The following COLEC12 variants were observed in gnomAD, a reference collection of about 807,000 sequenced individuals.
The protein encoded by COLEC12 is collectin subfamily member 12.
In COLEC12, 33 loss-of-function variants were observed where a neutral mutation model predicts 71.1. That is an observed-to-expected ratio of 0.46 (90% CI 0.35 to 0.62). The LOEUF (loss-of-function observed/expected upper bound fraction) is 0.62. Among genes scored for constraint, COLEC12 ranks in the 20% least tolerant of loss-of-function variants. The pLI is 0.00. For synonymous variants in COLEC12, 350 were observed against 353.0 expected (o/e 0.99, Z 0.10); for missense variants, 765 against 916.1 (o/e 0.84, Z 2.13).
chr18:412,150 C>T (rs1310050665), intron 2 of COLEC12, among the ~76,000 whole-genome samples: 1 of 152,042 alleles, frequency 6.6e-6, no homozygotes, highest in African/African-American at 2.4e-5. Flanking sequence ...CAAAAAAATA[C>T]ACATCAAGAC....
At chr18:378,679 G>C (rs914439846) in intron 2 of COLEC12, among the ~76,000 whole-genome samples, 16 of 152,134 alleles carry the variant, frequency 1.1e-4, no homozygotes, top group African/African-American at 3.9e-4. Context: ...CTCTCCGTGA[G>C]GTCTCCATCA....
chr18:355,410 G>A (rs17548980), intron 3 of COLEC12, among the ~76,000 whole-genome samples: 23,448 of 152,000 alleles, frequency 0.15, 2,075 homozygotes, highest in Middle Eastern at 0.27. Flanking sequence ...TGGGCAAATG[G>A]ACCAGCACAC....
At chr18:422,266 A>G (rs1916113879) in intron 2 of COLEC12, among the ~76,000 whole-genome samples, 2 of 152,206 alleles carry the variant, frequency 1.3e-5, no homozygotes, top group African/African-American at 2.4e-5. Context: ...CAGTTTAGCA[A>G]TGGTAACCCC....
chr18:320,711 CACCCCAAAAAGAA>C (rs1913682791), intron 9 of COLEC12, among the ~76,000 whole-genome samples: 1 of 152,182 alleles, frequency 6.6e-6, no homozygotes, highest in Non-Finnish European at 1.5e-5. Flanking sequence ...ACATTTCCAT[CACCCCAAAAAGAA>C]ACCCCATACC....
intron 5 of COLEC12, among the ~76,000 whole-genome samples, chr18:339,619 G>A (rs1306277263): frequency 2.6e-5 from 4 of 152,084 alleles, no homozygotes; most frequent in Admixed American, 1.3e-4. Context: ...AATATTCCTG[G>A]CTGTGGCTAA....
At chr18:325,429 T>G (rs1269429514) in intron 8 of COLEC12, among the ~76,000 whole-genome samples, 1 of 151,766 alleles carries the variant, frequency 6.6e-6, no homozygotes, top group Non-Finnish European at 1.5e-5. Flanking sequence ...TGATCTAAGG[T>G]GGGCAACTGC....
intron 2 of COLEC12, among the ~76,000 whole-genome samples, chr18:369,955 G>C (rs652395): frequency 0.86 from 131,361 of 152,132 alleles, 56,819 homozygotes; most frequent in East Asian, 0.95. Flanking sequence ...GAGCAACCCC[G>C]ATCTGGAAGA....
chr18:468,195 G>C (rs1917124117), intron 2 of COLEC12, among the ~76,000 whole-genome samples: 1 of 150,310 alleles, frequency 6.7e-6, no homozygotes, highest in African/African-American at 2.5e-5. Context: ...CCGGTAGGCG[G>C]AGGTTGCAGT....
At chr18:341,130 C>A (rs1914242985) in intron 5 of COLEC12, among the ~76,000 whole-genome samples, 1 of 152,184 alleles carries the variant, frequency 6.6e-6, no homozygotes, top group African/African-American at 2.4e-5. Context: ...AAATGTCAAT[C>A]CCTATTGAAA....
chr18:421,753 C>A (rs555889860), intron 2 of COLEC12, among the ~76,000 whole-genome samples: 2 of 152,146 alleles, frequency 1.3e-5, no homozygotes, highest in Non-Finnish European at 2.9e-5. Context: ...TGATGGTAGT[C>A]TTATCTAGAC....
intron 2 of COLEC12, among the ~76,000 whole-genome samples, chr18:386,262 C>T (rs1397457065): frequency 6.6e-6 from 1 of 152,178 alleles, no homozygotes; most frequent in African/African-American, 2.4e-5. Context: ...CATTGTTGAG[C>T]ACCAACTGTA....
chr18:350,443 C>T (rs762824327), intron 3 of COLEC12, among the ~76,000 whole-genome samples: 7 of 152,128 alleles, frequency 4.6e-5, no homozygotes, highest in Admixed American at 6.5e-5. Flanking sequence ...ACTAATACAG[C>T]CACACTAAAT....
intron 2 of COLEC12, among the ~76,000 whole-genome samples, chr18:431,424 T>C (rs1916300557): frequency 6.6e-6 from 1 of 152,218 alleles, no homozygotes; most frequent in Non-Finnish European, 1.5e-5. Flanking sequence ...TTCAGGTTTA[T>C]TTCTTGAAGC....
chr18:476,081 C>T (rs1917298324), intron 2 of COLEC12, among the ~76,000 whole-genome samples: 1 of 152,312 alleles, frequency 6.6e-6, no homozygotes, highest in African/African-American at 2.4e-5. Flanking sequence ...TGTGGATAAA[C>T]AAAACTATTC....
intron 2 of COLEC12, among the ~76,000 whole-genome samples, chr18:457,898 A>AG (rs1356316514): frequency 6.6e-6 from 1 of 152,208 alleles, no homozygotes; most frequent in African/African-American, 2.4e-5. Flanking sequence ...GGCAGGATAT[A>AG]GGTAGTTTTC....
chr18:322,883 G>C (rs1052883096), intron 8 of COLEC12, among the ~76,000 whole-genome samples: 3 of 152,230 alleles, frequency 2.0e-5, no homozygotes, highest in Admixed American at 6.5e-5. Context: ...TGGGGACAGG[G>C]TAGAACTGAC....
At chr18:475,290 G>A (rs570853992) in intron 2 of COLEC12, among the ~76,000 whole-genome samples, 10 of 152,172 alleles carry the variant, frequency 6.6e-5, no homozygotes, top group Non-Finnish European at 1.2e-4. Context: ...AGGTGCCTCT[G>A]GAAGGACAGC....
At chr18:417,251 G>A (rs979222857) in intron 2 of COLEC12, among the ~76,000 whole-genome samples, 3 of 152,138 alleles carry the variant, frequency 2.0e-5, no homozygotes, top group Non-Finnish European at 1.5e-5. Flanking sequence ...GTAAGCAACT[G>A]TAACACAATG....
chr18:417,409 T>A (rs1916008383), intron 2 of COLEC12, among the ~76,000 whole-genome samples: 1 of 152,216 alleles, frequency 6.6e-6, no homozygotes, highest in Non-Finnish European at 1.5e-5. Flanking sequence ...GACCAAAACA[T>A]CATTATGCAG....
Sources: gnomAD v4.1 joint callset for allele counts (sites outside exome capture counted in the v4.1 genomes callset) on GRCh38, gnomAD v4.1.1 for gene constraint, MANE v1.5 for transcripts, NCBI Gene and HGNC (gene_info 2026-07-23, HGNC 2026-07-21) for gene names.